The following CRPPA variants were observed in gnomAD, a reference collection of about 807,000 sequenced individuals.
CRPPA encodes D-ribitol-5-phosphate cytidylyltransferase.
In CRPPA, 43 loss-of-function variants were observed where a neutral mutation model predicts 52.0. The observed-to-expected ratio is 0.83, with a 90% CI of 0.65 to 1.07. CRPPA has a LOEUF of 1.07. CRPPA is among the 50% of genes least tolerant of loss of function. The probability of loss-of-function intolerance (pLI) is 0.00; values close to 1 mark genes in which losing one functional copy is unlikely to be tolerated. For missense variants in CRPPA, 629 were observed against 551.7 expected (o/e 1.14, Z -1.40); for synonymous variants, 250 against 203.5 (o/e 1.23, Z -1.94).
At chr7:16,105,632 T>C (rs1164165144) in intron 9 of CRPPA, among the ~76,000 whole-genome samples, 1 of 152,124 alleles carries the variant, frequency 6.6e-6, no homozygotes, top group African/African-American at 2.4e-5. Flanking sequence ...TGGTATCCAA[T>C]TGCAGATATC....
intron 9 of CRPPA, among the ~76,000 whole-genome samples, chr7:16,178,548 A>G (rs2128387001): frequency 6.6e-6 from 1 of 152,272 alleles, no homozygotes; most frequent in Admixed American, 6.5e-5. Flanking sequence ...TATTATTATC[A>G]AAAACGTTTT....
chr7:16,240,125 A>G (rs2128405969), intron 8 of CRPPA, among the ~76,000 whole-genome samples: 1 of 151,674 alleles, frequency 6.6e-6, no homozygotes, highest in African/African-American at 2.4e-5. Context: ...AAGTTACAAC[A>G]ACACCGTCAA....
At chr7:16,152,996 G>A (rs1000822614) in intron 9 of CRPPA, among the ~76,000 whole-genome samples, 20 of 151,906 alleles carry the variant, frequency 1.3e-4, no homozygotes, top group African/African-American at 4.8e-4. Flanking sequence ...ATTATGATTA[G>A]CCTAACTGTG....
intron 9 of CRPPA, among the ~76,000 whole-genome samples, chr7:16,172,190 C>T (rs1310368612): frequency 3.9e-5 from 6 of 152,126 alleles, no homozygotes; most frequent in African/African-American, 9.7e-5. Flanking sequence ...AGAGACACTG[C>T]AGAGTTTCCC....
intron 9 of CRPPA, among the ~76,000 whole-genome samples, chr7:16,168,570 C>G (rs2128384492): frequency 6.6e-6 from 1 of 150,924 alleles, no homozygotes; most frequent in South Asian, 2.1e-4. Context: ...CACACACACA[C>G]ACACACACCA....
intron 9 of CRPPA, among the ~76,000 whole-genome samples, chr7:16,140,887 G>C (rs1483379051): frequency 6.6e-6 from 1 of 152,122 alleles, no homozygotes; most frequent in East Asian, 1.9e-4. Flanking sequence ...TGAGCACCCA[G>C]TATGCCCCAA....
chr7:16,407,640 A>G lies in CRPPA; in HGVS notation c.258-1303T>C, dbSNP rs564265617. On this transcript the variant is annotated intron_variant, in intron 1 of 9. Coordinates refer to ENST00000407010, the MANE Select transcript of CRPPA (RefSeq NM_001101426.4). ...AAGTTAACATTGGGTTGCCTCACCCAGTAATGTCTCCTACCTCTTGTTATC... is the reference window on the plus strand; with the variant it reads ...AAGTTAACATTGGGTTGCCTCACCCGGTAATGTCTCCTACCTCTTGTTATC... Among the ~76,000 whole-genome samples, 4 of 152,316 alleles carry G rather than the reference A, an allele frequency of 2.6e-5. No individual in the cohort carries two copies. In the East Asian group the frequency reaches 7.7e-4, roughly 29 times the overall value.
At chr7:16,270,323 C>T (rs1339789892) in intron 6 of CRPPA, 2 of 151,658 alleles carry the variant, frequency 1.3e-5, no homozygotes, top group Non-Finnish European at 2.9e-5. Context: ...TCCTGTATTT[C>T]AAGAATATAA....
chr7:16,187,122 T>C (rs1225790330), intron 9 of CRPPA, among the ~76,000 whole-genome samples: 2 of 152,158 alleles, frequency 1.3e-5, no homozygotes, highest in African/African-American at 4.8e-5. Flanking sequence ...TATCCAATAT[T>C]ATTCACTAAA....
At chr7:16,238,509 G>GT (rs1456116126) in intron 8 of CRPPA, among the ~76,000 whole-genome samples, 1 of 152,056 alleles carries the variant, frequency 6.6e-6, no homozygotes, top group Non-Finnish European at 1.5e-5. Flanking sequence ...AAAATATTTT[G>GT]TAACAGTTAC....
intron 9 of CRPPA, among the ~76,000 whole-genome samples, chr7:16,098,953 T>A (rs1161566651): frequency 1.3e-5 from 2 of 152,304 alleles, no homozygotes; most frequent in African/African-American, 2.4e-5. Flanking sequence ...TAGATAATAC[T>A]AATGAAAATG....
intron 5 of CRPPA, among the ~76,000 whole-genome samples, chr7:16,299,777 G>A (rs974658030): frequency 6.6e-6 from 1 of 152,086 alleles, no homozygotes; most frequent in Non-Finnish European, 1.5e-5. Flanking sequence ...ATAGACAAAA[G>A]CCATTTCTGC....
At chr7:16,349,233 C>T (rs1786088398) in intron 3 of CRPPA, among the ~76,000 whole-genome samples, 2 of 152,106 alleles carry the variant, frequency 1.3e-5, no homozygotes, top group African/African-American at 4.8e-5. Flanking sequence ...TCCCAACCTC[C>T]TAAAGGTCCA....
intron 5 of CRPPA, among the ~76,000 whole-genome samples, chr7:16,294,056 C>T (rs1291672069): frequency 6.6e-6 from 1 of 152,078 alleles, no homozygotes; most frequent in South Asian, 2.1e-4. Context: ...CTGGTGTTCT[C>T]TACTCATCAG....
chr7:16,206,726 T>C (rs80237285), intron 9 of CRPPA, among the ~76,000 whole-genome samples: 14,685 of 152,176 alleles, frequency 0.097, 794 homozygotes, highest in Non-Finnish European at 0.12. Flanking sequence ...CAAACATACA[T>C]ATAAACAATG....
chr7:16,094,699 C>T (rs1362128491), intron 9 of CRPPA, among the ~76,000 whole-genome samples: 2 of 151,982 alleles, frequency 1.3e-5, no homozygotes, highest in Non-Finnish European at 2.9e-5. Flanking sequence ...AAAAATCATG[C>T]TGATAGTATA....
At chr7:16,167,874 C>A (rs540189459) in intron 9 of CRPPA, among the ~76,000 whole-genome samples, 1 of 152,196 alleles carries the variant, frequency 6.6e-6, no homozygotes, top group Non-Finnish European at 1.5e-5. Context: ...ATCTAATGAA[C>A]TTCTTTCCTA....
intron 9 of CRPPA, among the ~76,000 whole-genome samples, chr7:16,151,181 T>C (rs1783069860): frequency 6.6e-6 from 1 of 152,192 alleles, no homozygotes; most frequent in Admixed American, 6.5e-5. Flanking sequence ...TGTACCTCAA[T>C]GACTAAATGA....
intron 8 of CRPPA, among the ~76,000 whole-genome samples, chr7:16,244,726 A>G (rs1003350813): frequency 6.6e-6 from 1 of 152,150 alleles, no homozygotes; most frequent in Admixed American, 6.6e-5. Flanking sequence ...TAAATGTCTA[A>G]TAGCCACAAT....
Sources: gnomAD v4.1 joint callset for allele counts (sites outside exome capture counted in the v4.1 genomes callset) on GRCh38, gnomAD v4.1.1 for gene constraint, MANE v1.5 for transcripts, NCBI Gene and HGNC (gene_info 2026-07-23, HGNC 2026-07-21) for gene names.